NFATC3: variants seen among roughly 807,000 people sequenced by gnomAD.
NFATC3 encodes nuclear factor of activated T-cells, cytoplasmic 3.
A neutral mutation model predicts 98.6 loss-of-function variants in NFATC3; 46 were observed. The ratio of observed to expected loss-of-function variants is 0.47; its 90% confidence interval spans 0.37 to 0.60. NFATC3 has a LOEUF of 0.60. Ranked by LOEUF, NFATC3 falls within the 20% of genes least tolerant of loss-of-function variation. The pLI is 0.00. For synonymous variants in NFATC3, 512 were observed against 472.2 expected (o/e 1.08, Z -1.09); for missense variants, 1,256 against 1,295.5 (o/e 0.97, Z 0.47).
intron 3 of NFATC3, 61 bp downstream of exon 3, chr16:68,126,671 C>A: frequency 6.4e-7 from 1 of 1,558,294 alleles, no homozygotes; most frequent in Non-Finnish European, 8.8e-7. Flanking sequence ...TTAGACAAGT[C>A]TATTCAGTTA....
In NFATC3 at chr16:68,226,513, C is replaced by A; in HGVS notation, c.*42C>A. Reference sequence around the variant, plus strand: ...CTTGTGTCCACCACCAACTTCTCAGCATGTTTCTCTCCTTGGACCTTGGGT... The same window carrying A: ...CTTGTGTCCACCACCAACTTCTCAGAATGTTTCTCTCCTTGGACCTTGGGT... On this transcript the variant is annotated 3_prime_UTR_variant, in exon 10 of 10. Coordinates refer to ENST00000346183, the MANE Select transcript of NFATC3 (RefSeq NM_173165.3). 6.9e-7 allele frequency: 1 copy of A among 1,456,710 alleles called. No individual in the cohort carries two copies. Among genetic ancestry groups the A allele is most frequent in the South Asian group, 1.5e-5 (1 of 65,828 alleles). The allele number at this position is 1,456,710 out of a possible 1,614,324, so 90.2% of individuals were successfully genotyped here. A position where few individuals can be genotyped will look rare whatever the true frequency, so the allele number is the denominator to read the frequency against.
chr16:68,132,896 A>G (rs1411523732), intron 3 of NFATC3, among the ~76,000 whole-genome samples: 8 of 152,296 alleles, frequency 5.3e-5, no homozygotes, highest in African/African-American at 7.2e-5. Flanking sequence ...AAGTTGGTCA[A>G]TGGATACAAA....
At chr16:68,126,109 C>A (rs1188279269) in intron 2 of NFATC3, among the ~76,000 whole-genome samples, 1 of 152,104 alleles carries the variant, frequency 6.6e-6, no homozygotes, top group African/African-American at 2.4e-5. Context: ...GTCTCGAACT[C>A]CTGACCTCAG....
intron 9 of NFATC3, chr16:68,200,636 G>T (rs2040872461): frequency 6.6e-6 from 1 of 152,018 alleles, no homozygotes; most frequent in African/African-American, 2.4e-5. Context: ...TAGTCCCCCT[G>T]GAAGGCTGTA....
intron 1 of NFATC3, among the ~76,000 whole-genome samples, chr16:68,119,437 A>G (rs2036458654): frequency 2.0e-5 from 3 of 151,388 alleles, no homozygotes; most frequent in African/African-American, 4.9e-5. Flanking sequence ...GTGGTTTCCC[A>G]TCTCGTAAGG....
intron 3 of NFATC3, among the ~76,000 whole-genome samples, chr16:68,142,169 G>A (rs552815562): frequency 2.0e-5 from 3 of 152,226 alleles, no homozygotes; most frequent in African/African-American, 7.2e-5. Flanking sequence ...TCTTTGGGTA[G>A]TGTGGTCATT....
intron 3 of NFATC3, among the ~76,000 whole-genome samples, chr16:68,156,668 A>T (rs2038633326): frequency 6.6e-6 from 1 of 152,204 alleles, no homozygotes; most frequent in African/African-American, 2.4e-5. Flanking sequence ...AGCCGGGCAC[A>T]GTCACTCACA....
intron 1 of NFATC3, among the ~76,000 whole-genome samples, chr16:68,121,735 G>A (rs2036593690): frequency 6.7e-6 from 1 of 149,950 alleles, no homozygotes; most frequent in Non-Finnish European, 1.5e-5. Context: ...TTTAGAAAAT[G>A]TGGACATAAA....
intron 9 of NFATC3, 110 bp downstream of exon 9, chr16:68,191,885 T>A: frequency 8.7e-7 from 1 of 1,144,638 alleles, no homozygotes; most frequent in Non-Finnish European, 1.3e-6. Context: ...TGGTTGGGCT[T>A]TTAAATAAGT....
At chr16:68,135,861 G>A (rs1475174865) in intron 3 of NFATC3, among the ~76,000 whole-genome samples, 2 of 152,092 alleles carry the variant, frequency 1.3e-5, no homozygotes, top group Admixed American at 6.6e-5. Flanking sequence ...TCAGGAGTTC[G>A]AGACCAGCCT....
intron 3 of NFATC3, among the ~76,000 whole-genome samples, chr16:68,152,645 A>G (rs1440839719): frequency 2.0e-5 from 3 of 152,180 alleles, no homozygotes; most frequent in African/African-American, 7.2e-5. Flanking sequence ...TCTTTCAGGT[A>G]GCTGGGACTA....
Position 68,086,604 on chromosome 16 carries a change from G to C in NFATC3, c.103+820G>C, listed in dbSNP as rs1047224060. On this transcript the variant is annotated intron_variant, in intron 1 of 9. Transcript: ENST00000346183. ...TTTGTGACCTGGTTTGGAATACTGTGGTTCATTAAGTTCAGTTTCCCTGTT... is the reference window on the plus strand; with the variant it reads ...TTTGTGACCTGGTTTGGAATACTGTCGTTCATTAAGTTCAGTTTCCCTGTT... The C allele has an allele frequency of 6.1e-6, 6 of 979,014 alleles. No homozygotes were observed. The African/African-American group carries it at 8.7e-5, about 14-fold the overall frequency. 60.6% of individuals were successfully genotyped at this position (979,014 alleles called of 1,614,324 possible).
At chr16:68,097,456 A>T (rs2035077493) in intron 1 of NFATC3, among the ~76,000 whole-genome samples, 1 of 143,734 alleles carries the variant, frequency 7.0e-6, no homozygotes, top group Non-Finnish European at 1.6e-5. Flanking sequence ...TCAAAAGAGA[A>T]ACTTGCACAA....
intron 9 of NFATC3, chr16:68,218,198 G>T: frequency 4.5e-6 from 1 of 223,942 alleles, no homozygotes; most frequent in Non-Finnish European, 7.5e-6. Flanking sequence ...AAAGTGCTGG[G>T]ATTACAAGCA....
chr16:68,140,386 A>G (rs571339194), intron 3 of NFATC3, among the ~76,000 whole-genome samples: 1 of 152,326 alleles, frequency 6.6e-6, no homozygotes, highest in East Asian at 1.9e-4. Context: ...AAGTAGAGGG[A>G]AGGGTTTAGA....
Position 68,169,223 on chromosome 16 carries a change from G to A in NFATC3, c.1774+2208G>A, listed in dbSNP as rs541892578. 4.6e-5 allele frequency among the ~76,000 whole-genome samples: 7 copies of A among 152,260 alleles called. No individual in the cohort carries two copies. In the South Asian group the frequency reaches 1.5e-3, roughly 32 times the overall value. On this transcript the variant is annotated intron_variant, in intron 5 of 9. Coordinates refer to ENST00000346183, the MANE Select transcript of NFATC3 (RefSeq NM_173165.3). The stretch of plus-strand genomic sequence containing the variant: ...CCAGCTTCTTAATTATCCTGCCAGA[G>A]GGTTCTATGCCCAGGTAAGCATAGA...
At chr16:68,171,473 C>CTT (rs775563343) in intron 5 of NFATC3, among the ~76,000 whole-genome samples, 17 of 141,112 alleles carry the variant, frequency 1.2e-4, no homozygotes, top group East Asian at 2.1e-4. Context: ...CCATACCTAT[C>CTT]TTTTTTTTTT....
intron 8 of NFATC3, among the ~76,000 whole-genome samples, chr16:68,188,953 C>A (rs1158829201): frequency 6.6e-6 from 1 of 152,110 alleles, no homozygotes; most frequent in Non-Finnish European, 1.5e-5. Context: ...AGTGATCCTC[C>A]CACCTCAGCC....
At chr16:68,194,928 T>G (rs902746943) in intron 9 of NFATC3, among the ~76,000 whole-genome samples, 1 of 152,124 alleles carries the variant, frequency 6.6e-6, no homozygotes, top group South Asian at 2.1e-4. Context: ...AGCAATTTTA[T>G]TTTTGCTCCC....
Sources: allele counts gnomAD v4.1 joint callset (sites outside exome capture counted in the v4.1 genomes callset), GRCh38; gene constraint gnomAD v4.1.1; transcripts MANE v1.5; gene names NCBI Gene and HGNC (gene_info 2026-07-23, HGNC 2026-07-21).